The following ZNF486 variants were observed in gnomAD, a reference collection of about 807,000 sequenced individuals.
ZNF486 encodes the protein zinc finger protein 486.
A neutral mutation model predicts 12.8 loss-of-function variants in ZNF486; 12 were observed. The ratio of observed to expected loss-of-function variants is 0.94; its 90% CI spans 0.60 to 1.52. The LOEUF (loss-of-function observed/expected upper bound fraction) is 1.52, where lower values mean the gene tolerates loss of function less well. Among genes scored for constraint, ZNF486 ranks in the 40% most tolerant of loss-of-function variants. The pLI is 0.00. For synonymous variants in ZNF486, 231 were observed against 184.9 expected (o/e 1.25, Z -2.02); for missense variants, 738 against 545.0 (o/e 1.35, Z -3.53).
rs782572950 is a variant in ZNF486, at chr19:20,197,088, T to C, written c.378T>C (p.Cys126=). The C allele has an allele frequency of 6.2e-6, 10 of 1,612,894 alleles. No individual in the cohort carries two copies. In the East Asian group the frequency reaches 2.0e-4, roughly 32 times the overall value. ...GCAATTTACACTTTAAAAAAGGCTG[T>C]GAAAGTGTGGATGAGTGTAAGTTAC... ...GHGNLHFKKG[C]ESVDECKLHK... Residue 126 remains cysteine, a synonymous_variant, in exon 4 of 4, where the codon TGT becomes TGC. Transcript: ENST00000335117.
At chr19:20,171,572 G>A (rs2089648585) in intron 1 of ZNF486, among the ~76,000 whole-genome samples, 2 of 152,186 alleles carry the variant, frequency 1.3e-5, no homozygotes, top group East Asian at 3.8e-4. Context: ...CACCATCCTA[G>A]GATCTGGGCC....
intron 2 of ZNF486, among the ~76,000 whole-genome samples, chr19:20,185,317 C>T (rs1174725449): frequency 3.3e-5 from 5 of 151,114 alleles, no homozygotes; most frequent in East Asian, 1.9e-4. Context: ...TGTTTGAGAC[C>T]ATACATATAC....
At chr19:20,183,764 A>G (rs1469296887) in intron 1 of ZNF486, among the ~76,000 whole-genome samples, 2 of 152,128 alleles carry the variant, frequency 1.3e-5, no homozygotes, top group African/African-American at 4.8e-5. Flanking sequence ...TTTTTTAAAC[A>G]TATTTTTCTT....
chr19:20,175,709 G>GA lies in ZNF486; in HGVS notation c.30+8353dup, dbSNP rs1177817272. Reference sequence around the variant, plus strand: ...AATTTTTCTTAGTACAGACCAAAATGAAAAGTCTCCCATGTCTACTTCTTT... The same window carrying GA: ...AATTTTTCTTAGTACAGACCAAAATGAAAAAGTCTCCCATGTCTACTTCTTT... On this transcript the variant is annotated intron_variant, in intron 1 of 3. Coordinates refer to ENST00000335117, the MANE Select transcript of ZNF486 (RefSeq NM_052852.4). Among the ~76,000 whole-genome samples the GA allele has an allele frequency of 1.3e-5, 2 of 152,182 alleles. 1 individual carries two copies. Among genetic ancestry groups the GA allele is most frequent in the South Asian group, 4.1e-4 (2 of 4,826 alleles).
At chr19:20,176,015 ACCTC>A (rs1555714697) in intron 1 of ZNF486, 1 of 163,392 alleles carries the variant, frequency 6.1e-6, no homozygotes, top group Admixed American at 6.6e-5. Flanking sequence ...GCTGACCCCC[ACCTC>A]CCTCCCGGAC....
intron 1 of ZNF486, among the ~76,000 whole-genome samples, chr19:20,170,725 A>G (rs1555713771): frequency 2.0e-5 from 3 of 152,238 alleles, no homozygotes; most frequent in Admixed American, 2.0e-4. Flanking sequence ...GTTTCTGTCC[A>G]TCAGCTTTTT....
intron 1 of ZNF486, chr19:20,176,314 C>T (rs1300821266): frequency 1.6e-4 from 27 of 167,302 alleles, no homozygotes; most frequent in Admixed American, 6.0e-4. Context: ...GGATGGCGGC[C>T]GGGCAGAGAC....
At chr19:20,190,655 G>T (rs1555717053) in intron 3 of ZNF486, among the ~76,000 whole-genome samples, 1 of 152,112 alleles carries the variant, frequency 6.6e-6, no homozygotes, top group African/African-American at 2.4e-5. Context: ...AAAGTGTTAG[G>T]GTTATAGGCA....
At chr19:20,193,566 C>G (rs2089923698) in intron 3 of ZNF486, among the ~76,000 whole-genome samples, 1 of 152,038 alleles carries the variant, frequency 6.6e-6, no homozygotes, top group South Asian at 2.1e-4. Context: ...GAGGCTGAAG[C>G]AGGAGAATTG....
chr19:20,170,092 G>A (rs1170947448), intron 1 of ZNF486, among the ~76,000 whole-genome samples: 8 of 150,896 alleles, frequency 5.3e-5, no homozygotes, highest in African/African-American at 1.7e-4. Flanking sequence ...GGGTTTCACC[G>A]TGTTAGCCAG....
chr19:20,168,757 T>G (rs1555713369), intron 1 of ZNF486, among the ~76,000 whole-genome samples: 1 of 152,168 alleles, frequency 6.6e-6, no homozygotes, highest in African/African-American at 2.4e-5. Context: ...AAAAACCAAG[T>G]GAATAACACT....
At chr19:20,171,560 T>C (rs1278946618) in intron 1 of ZNF486, among the ~76,000 whole-genome samples, 1 of 152,232 alleles carries the variant, frequency 6.6e-6, no homozygotes, top group Non-Finnish European at 1.5e-5. Context: ...ACCTGTTTTC[T>C]CCACCATCCT....
chr19:20,167,250 C>G lies in ZNF486; in HGVS notation c.-81C>G, dbSNP rs527330461. On this transcript the variant is annotated 5_prime_UTR_variant, in exon 1 of 4. Transcript: ENST00000335117. Reference sequence around the variant, plus strand: ...CATCTGGAGCTCTAGGTCGCCTCTTCGCTACTCTGTGTCCTCTGCTCCTAG... The same window carrying G: ...CATCTGGAGCTCTAGGTCGCCTCTTGGCTACTCTGTGTCCTCTGCTCCTAG... The G allele has an allele frequency of 1.0e-5, 16 of 1,579,740 alleles. No homozygotes were observed. In the South Asian group the frequency reaches 1.4e-4, roughly 14 times the overall value.
Position 20,184,337 on chromosome 19 carries a change from G to A in ZNF486, c.31-19G>A, listed in dbSNP as rs1097510. ...CAACGGCGACTTGGTGAAAATGTGT[G>A]TGTGTGTGTGTTTTTCAGGAATCAT... On this transcript the variant is annotated intron_variant, in intron 1 of 3. Transcript: ENST00000335117. 282,242 of 1,609,184 alleles carry A rather than the reference G, an allele frequency of 0.18. 29,778 individuals carry two copies. Among genetic ancestry groups the A allele is most frequent in the East Asian group, 0.49 (21,726 of 44,636 alleles).
At chr19:20,167,587 G>A (rs544974777) in intron 1 of ZNF486, among the ~76,000 whole-genome samples, 17 of 152,268 alleles carry the variant, frequency 1.1e-4, no homozygotes, top group African/African-American at 2.2e-4. Flanking sequence ...CTGGCCTGGC[G>A]CCCTCTCTGT....
chr19:20,186,826 C>T lies in ZNF486; in HGVS notation c.253+744C>T, dbSNP rs141721957. ...TGAGAAGGAGTCTTGCTCTGTTGCC[C>T]AGGCTGGAGTGCAGTGGTGTGATCT... On this transcript the variant is annotated intron_variant, in intron 3 of 3. Coordinates refer to ENST00000335117, the MANE Select transcript of ZNF486 (RefSeq NM_052852.4). 9.0e-3 allele frequency among the ~76,000 whole-genome samples: 1,247 copies of T among 139,300 alleles called. 24 individuals are homozygous for T. Among genetic ancestry groups the T allele is most frequent in the African/African-American group, 0.033 (1,193 of 35,760 alleles). The allele number at this position is 139,300 out of a possible 152,430, so 91.4% of individuals were successfully genotyped here.
chr19:20,199,884 G>C lies in ZNF486; in HGVS notation c.*1782G>C, dbSNP rs374276265. 2 of 151,888 alleles carry C rather than the reference G, an allele frequency of 1.3e-5. No individual in the cohort carries two copies. Among genetic ancestry groups the C allele is most frequent in the East Asian group, 1.9e-4 (1 of 5,172 alleles). The allele number at this position is 151,888 out of a possible 1,614,324, so 9.4% of individuals were successfully genotyped here. On this transcript the variant is annotated 3_prime_UTR_variant, in exon 4 of 4. Coordinates refer to ENST00000335117, the MANE Select transcript of ZNF486 (RefSeq NM_052852.4). ...AGGTCAGGAGTTCAAGACCATCTTG[G>C]CCAAGATGGTGAAACCCTGTCTGTA...
intron 1 of ZNF486, among the ~76,000 whole-genome samples, chr19:20,171,936 AT>A (rs1376927777): frequency 2.0e-5 from 3 of 149,080 alleles, no homozygotes; most frequent in African/African-American, 7.4e-5. Context: ...TGTTCTTATT[AT>A]TTAGCTCTTA....
At position 20,197,848 on chromosome 19, in the gene ZNF486, T is replaced by C; in HGVS notation, c.1138T>C (p.Cys380Arg). The C allele has an allele frequency of 6.2e-7, 1 of 1,613,376 alleles. No homozygotes were observed. Among genetic ancestry groups the C allele is most frequent in the Admixed American group, 1.7e-5 (1 of 59,998 alleles). ...IIHTGEKPYK[C>R]EECGKAFTWS... ...TCATACTGGAGAGAAACCATACAAA[T>C]GTGAAGAATGTGGCAAAGCCTTTAC... Residue 380 changes from cysteine (C) to arginine (R), a missense_variant, in exon 4 of 4, where the codon TGT becomes CGT. Transcript: ENST00000335117.
Sources: gnomAD v4.1 joint callset for allele counts (sites outside exome capture counted in the v4.1 genomes callset) on GRCh38, gnomAD v4.1.1 for gene constraint, MANE v1.5 for transcripts, NCBI Gene and HGNC (gene_info 2026-07-23, HGNC 2026-07-21) for gene names.